DGKH: variants seen among roughly 807,000 people sequenced by gnomAD.
DGKH encodes diacylglycerol kinase eta.
DGKH carries 90 observed loss-of-function variants against 159.3 expected under a neutral mutation model. The observed-to-expected ratio is 0.57, with a 90% CI of 0.48 to 0.67. The LOEUF (loss-of-function observed/expected upper bound fraction) is 0.67, where lower values mean the gene tolerates loss of function less well. Ranked by LOEUF, DGKH falls within the 30% of genes least tolerant of loss-of-function variation. DGKH has a pLI of 0.00. For missense variants in DGKH, 1,181 were observed against 1,506.1 expected (o/e 0.78, Z 3.57); for synonymous variants, 536 against 553.8 (o/e 0.97, Z 0.45).
intron 23 of DGKH, among the ~76,000 whole-genome samples, chr13:42,210,202 G>A (rs1425879889): frequency 3.3e-5 from 5 of 151,626 alleles, no homozygotes; most frequent in African/African-American, 9.7e-5. Context: ...AAACAGTCCT[G>A]CTTCATTGCA....
intron 1 of DGKH, among the ~76,000 whole-genome samples, chr13:42,123,589 T>C (rs1955115836): frequency 6.6e-6 from 1 of 151,608 alleles, no homozygotes; most frequent in African/African-American, 2.4e-5. Context: ...GCAAATCACA[T>C]ATTAGATAAA....
At chr13:42,074,069 A>T (rs905291172) in intron 1 of DGKH, among the ~76,000 whole-genome samples, 1 of 152,234 alleles carries the variant, frequency 6.6e-6, no homozygotes, top group African/African-American at 2.4e-5. Context: ...TGAGTTGTTT[A>T]TACTCTTATT....
At chr13:42,077,333 T>G (rs1196970165) in intron 1 of DGKH, among the ~76,000 whole-genome samples, 5 of 152,294 alleles carry the variant, frequency 3.3e-5, no homozygotes, top group Non-Finnish European at 5.9e-5. Flanking sequence ...AAATTAATAC[T>G]TAGAATACTT....
chr13:42,131,740 G>T (rs1237637410), intron 3 of DGKH, among the ~76,000 whole-genome samples: 2 of 152,110 alleles, frequency 1.3e-5, no homozygotes, highest in East Asian at 1.9e-4. Context: ...ATTGATCCAG[G>T]GTTGGTGGTT....
At chr13:42,044,104 C>G (rs1224816090), upstream of DGKH, 1 of 152,318 alleles carries the variant, frequency 6.6e-6, no homozygotes, top group African/African-American at 2.4e-5. Context: ...GCGATCTGCC[C>G]ACCTCAGCCT....
rs73187296 is a variant in DGKH at position 42,174,053 on chromosome 13, C to T, written c.1368-7C>T. On this transcript the variant is annotated splice_polypyrimidine_tract_variant and splice_region_variant and intron_variant, in intron 11 of 29. Coordinates refer to ENST00000337343, the MANE Select transcript of DGKH (RefSeq NM_178009.5). ...AATCTTTGACCAAAGAGTTTTTCTC[C>T]CTTCAGGTGGAGTATAATGACATAT... 10,049 of 1,608,060 alleles carry T rather than the reference C, an allele frequency of 6.2e-3. 41 individuals are homozygous for T. Among genetic ancestry groups the T allele is most frequent in the Non-Finnish European group, 6.8e-3 (7,985 of 1,177,458 alleles).
chr13:42,252,787 A>T (rs1157524413), intron 30 of DGKH, among the ~76,000 whole-genome samples: 3 of 151,420 alleles, frequency 2.0e-5, no homozygotes, highest in Non-Finnish European at 4.4e-5. Context: ...TTGATCTGTC[A>T]CCCAGGCTAG....
At chr13:42,148,134 A>G (rs1416212561) in intron 3 of DGKH, among the ~76,000 whole-genome samples, 2 of 152,204 alleles carry the variant, frequency 1.3e-5, no homozygotes, top group East Asian at 3.9e-4. Context: ...GAAGGCAGAT[A>G]TAGTTTCAAA....
At chr13:42,142,587 A>T (rs915083984) in intron 3 of DGKH, among the ~76,000 whole-genome samples, 1 of 151,926 alleles carries the variant, frequency 6.6e-6, no homozygotes, top group Non-Finnish European at 1.5e-5. Flanking sequence ...AGTGGTTTGT[A>T]GTTCTCCTTG....
Position 42,199,579 on chromosome 13 carries a change from GA to G in DGKH, c.2304del (p.Lys768AsnfsTer4). ...CTGTGATCATAGAGATGGATATTCA[GA>G]AAAATGTGTCATGAACAATTACTTT... The part of the protein sequence containing the change: ...PDLDSVDGYS[E>X]KCVMNNYFGI... On this transcript the variant is annotated frameshift_variant, in exon 19 of 30. Coordinates refer to ENST00000337343, the MANE Select transcript of DGKH (RefSeq NM_178009.5). LOFTEE classifies it high-confidence loss of function. The G allele has an allele frequency of 6.3e-7, 1 of 1,587,640 alleles. No homozygotes were observed. Among genetic ancestry groups the G allele is most frequent in the African/African-American group, 1.4e-5 (1 of 73,410 alleles).
intron 1 of DGKH, among the ~76,000 whole-genome samples, chr13:42,076,009 G>C (rs1954088996): frequency 6.6e-6 from 1 of 152,070 alleles, no homozygotes; most frequent in African/African-American, 2.4e-5. Flanking sequence ...CTTTCAATGT[G>C]ATTCTACTTT....
intron 20 of DGKH, among the ~76,000 whole-genome samples, chr13:42,205,487 G>T (rs2138177494): frequency 1.3e-5 from 2 of 152,096 alleles, no homozygotes; most frequent in South Asian, 4.2e-4. Flanking sequence ...TTTCATTTAA[G>T]TGCTTAATGA....
chr13:42,148,393 A>G (rs1955791224), intron 3 of DGKH, among the ~76,000 whole-genome samples: 1 of 152,210 alleles, frequency 6.6e-6, no homozygotes, highest in Non-Finnish European at 1.5e-5. Context: ...ATGAGTTAGC[A>G]AGTCCCATGA....
chr13:42,046,626 G>A (rs1167720616), upstream of DGKH, among the ~76,000 whole-genome samples: 1 of 152,232 alleles, frequency 6.6e-6, no homozygotes, highest in African/African-American at 2.4e-5. Flanking sequence ...AGTGAGATGC[G>A]TAATCTGACC....
intron 13 of DGKH, among the ~76,000 whole-genome samples, chr13:42,182,652 G>T (rs1202093190): frequency 6.6e-6 from 1 of 152,092 alleles, no homozygotes; most frequent in South Asian, 2.1e-4. Flanking sequence ...AAAACAATCT[G>T]TTTTCTTTTT....
chr13:42,181,214 T>C (rs1450526643), intron 13 of DGKH, among the ~76,000 whole-genome samples: 1 of 143,474 alleles, frequency 7.0e-6, no homozygotes, highest in Non-Finnish European at 1.5e-5. Flanking sequence ...GAGGCGGAGC[T>C]TGCAGTGAGC....
chr13:42,100,317 A>C (rs1049526171), intron 1 of DGKH, among the ~76,000 whole-genome samples: 4 of 152,210 alleles, frequency 2.6e-5, no homozygotes, highest in Non-Finnish European at 4.4e-5. Flanking sequence ...AGTTGCAAGA[A>C]AACAAGCTTA....
In DGKH at chr13:42,135,489, C is replaced by CACAAAAAAAAAAAAAAAAAAAA. The variant is rs1223953901; in HGVS notation, c.384+5858_384+5859insCAAAAAAAAAAAAAAAAAAAAA. ...TGGGTGGCAGAGAAAGACCCTGTCT[C>CACAAAAAAAAAAAAAAAAAAAA]AGAAAAAAAAAAAAAAAAAGAGAGA... On this transcript the variant is annotated intron_variant, in intron 3 of 29. Coordinates refer to ENST00000337343, the MANE Select transcript of DGKH (RefSeq NM_178009.5). Among the ~76,000 whole-genome samples the CACAAAAAAAAAAAAAAAAAAAA allele has an allele frequency of 1.7e-3, 89 of 50,936 alleles. 3 individuals are homozygous for CACAAAAAAAAAAAAAAAAAAAA. The highest frequency in any genetic ancestry group is 3.5e-3 in the South Asian group (4 of 1,140). 33.4% of individuals were successfully genotyped at this position (50,936 alleles called of 152,430 possible).
At position 42,194,408 on chromosome 13, in the gene DGKH, C is replaced by T. The variant is rs190687613; in HGVS notation, c.2036-477C>T. On this transcript the variant is annotated intron_variant, in intron 16 of 29. Coordinates refer to ENST00000337343, the MANE Select transcript of DGKH (RefSeq NM_178009.5). The stretch of plus-strand genomic sequence containing the variant: ...TTAGCCTCCCAAAGCTCTGGGATTA[C>T]AGGCATGAGCCACCACACCTGGCCT... Among the ~76,000 whole-genome samples the T allele has an allele frequency of 1.9e-3, 284 of 152,326 alleles. 4 individuals are homozygous for T. The highest frequency in any genetic ancestry group is 3.2e-3 in the Non-Finnish European group (215 of 68,030).
Sources: allele counts gnomAD v4.1 joint callset (sites outside exome capture counted in the v4.1 genomes callset), GRCh38; gene constraint gnomAD v4.1.1; transcripts MANE v1.5; gene names NCBI Gene and HGNC (gene_info 2026-07-23, HGNC 2026-07-21).